The following MAGI2 variants were observed in gnomAD, a reference collection of about 807,000 sequenced individuals.
MAGI2 encodes membrane-associated guanylate kinase, WW and PDZ domain-containing protein 2.
MAGI2 carries 35 observed loss-of-function variants against 133.3 expected under a neutral mutation model. The observed-to-expected ratio is 0.26, with a 90% CI of 0.20 to 0.35. The LOEUF (loss-of-function observed/expected upper bound fraction) is 0.35, where lower values mean the gene tolerates loss of function less well. Among genes scored for constraint, MAGI2 ranks in the 10% least tolerant of loss-of-function variants. The pLI, the probability that MAGI2 is intolerant of heterozygous loss-of-function variation, is 1.00. For missense variants in MAGI2, 1,636 were observed against 1,863.4 expected (o/e 0.88, Z 2.25); for synonymous variants, 729 against 710.6 (o/e 1.03, Z -0.41).
chr7:78,832,694 C>T (rs113114778), intron 2 of MAGI2, among the ~76,000 whole-genome samples: 41 of 152,160 alleles, frequency 2.7e-4, no homozygotes, highest in South Asian at 1.7e-3. Flanking sequence ...ACTATTGCTA[C>T]GGAATAAAAG....
chr7:79,179,893 G>A lies in MAGI2; in HGVS notation c.302-172687C>T, dbSNP rs141775537. Among the ~76,000 whole-genome samples, 145 of 151,998 alleles carry A rather than the reference G, an allele frequency of 9.5e-4. 2 individuals carry two copies. Among genetic ancestry groups the A allele is most frequent in the African/African-American group, 3.2e-3 (134 of 41,408 alleles). On this transcript the variant is annotated intron_variant, in intron 1 of 21. Coordinates refer to ENST00000354212, the MANE Select transcript of MAGI2 (RefSeq NM_012301.4). ...TATTTTATGGTTAAGACAGAAAAGC[G>A]CAGGCAACAAAAAGAAAAATAGACA...
At chr7:78,083,424 G>GAGAGAGAC (rs1816266076) in intron 20 of MAGI2, among the ~76,000 whole-genome samples, 2 of 145,418 alleles carry the variant, frequency 1.4e-5, no homozygotes, top group East Asian at 4.0e-4. Context: ...GAGAGAGAGA[G>GAGAGAGAC]AGAGAGACAG....
chr7:78,317,325 C>G (rs1787519366), intron 9 of MAGI2, among the ~76,000 whole-genome samples: 1 of 152,150 alleles, frequency 6.6e-6, no homozygotes, highest in Non-Finnish European at 1.5e-5. Context: ...CAATCAAGAA[C>G]AGGAGAATAT....
At chr7:78,187,207 T>C (rs572082980) in intron 12 of MAGI2, among the ~76,000 whole-genome samples, 1 of 152,286 alleles carries the variant, frequency 6.6e-6, no homozygotes, top group Non-Finnish European at 1.5e-5. Flanking sequence ...AAGATATTCT[T>C]GCAAGAACCA....
intron 2 of MAGI2, among the ~76,000 whole-genome samples, chr7:78,650,457 G>A (rs947194386): frequency 6.6e-6 from 1 of 152,128 alleles, no homozygotes; most frequent in Admixed American, 6.6e-5. Context: ...TTCCATGGGA[G>A]TAAGCAAAGG....
At chr7:78,268,475 T>A (rs1020851330) in intron 9 of MAGI2, among the ~76,000 whole-genome samples, 44 of 152,264 alleles carry the variant, frequency 2.9e-4, no homozygotes, top group African/African-American at 1.1e-3. Context: ...TCATTTTATT[T>A]TAATCCTTGA....
At chr7:78,514,386 G>A (rs887071612) in intron 4 of MAGI2, among the ~76,000 whole-genome samples, 3 of 151,788 alleles carry the variant, frequency 2.0e-5, no homozygotes, top group African/African-American at 4.8e-5. Context: ...TACAATTAGG[G>A]CAGTTATAAC....
chr7:78,928,408 A>T (rs985261438), intron 2 of MAGI2, among the ~76,000 whole-genome samples: 4 of 139,492 alleles, frequency 2.9e-5, no homozygotes, highest in Admixed American at 7.0e-5. Context: ...CTAATTAATT[A>T]AAAAAAAAAC....
At chr7:78,794,844 A>G (rs1394428854) in intron 2 of MAGI2, among the ~76,000 whole-genome samples, 1 of 152,188 alleles carries the variant, frequency 6.6e-6, no homozygotes, top group African/African-American at 2.4e-5. Flanking sequence ...AACCAAGATC[A>G]GGGGCAAATT....
chr7:78,631,916 T>C (rs1809048131), intron 2 of MAGI2, among the ~76,000 whole-genome samples: 1 of 152,222 alleles, frequency 6.6e-6, no homozygotes, highest in South Asian at 2.1e-4. Flanking sequence ...TAAACTCTAG[T>C]TTTCTTATCT....
chr7:78,646,745 C>T (rs1250079361), intron 2 of MAGI2, among the ~76,000 whole-genome samples: 4 of 152,192 alleles, frequency 2.6e-5, no homozygotes, highest in Admixed American at 6.5e-5. Flanking sequence ...CCAACTGCTA[C>T]CTGAATGAAA....
At chr7:79,433,054 C>CA (rs1455166290) in intron 1 of MAGI2, among the ~76,000 whole-genome samples, 7 of 152,080 alleles carry the variant, frequency 4.6e-5, no homozygotes, top group African/African-American at 1.7e-4. Context: ...TTCCAGAGTT[C>CA]AAAAGATGAG....
chr7:79,022,213 G>A (rs1329293164), intron 1 of MAGI2, among the ~76,000 whole-genome samples: 1 of 152,080 alleles, frequency 6.6e-6, no homozygotes, highest in Non-Finnish European at 1.5e-5. Context: ...AGAAATTAAT[G>A]CTAAGAAAAT....
chr7:79,160,828 T>C (rs986027667), intron 1 of MAGI2, among the ~76,000 whole-genome samples: 4 of 152,012 alleles, frequency 2.6e-5, no homozygotes, highest in Non-Finnish European at 4.4e-5. Flanking sequence ...TATCCTCCCA[T>C]CAAATATGCC....
At position 78,761,989 on chromosome 7, in the gene MAGI2, T is replaced by A. The variant is rs372914870; in HGVS notation, c.419-134750A>T. Among the ~76,000 whole-genome samples the A allele has an allele frequency of 6.6e-5, 10 of 152,314 alleles. No homozygotes were observed. The South Asian group carries it at 1.2e-3, about 19-fold the overall frequency. On this transcript the variant is annotated intron_variant, in intron 2 of 21. Coordinates refer to ENST00000354212, the MANE Select transcript of MAGI2 (RefSeq NM_012301.4). Reference sequence around the variant, plus strand: ...AAAAATACTGACATGAGGCATGGACTCTATCCGGAATTAATTTTTCCTGTA... The same window carrying A: ...AAAAATACTGACATGAGGCATGGACACTATCCGGAATTAATTTTTCCTGTA...
Position 79,380,878 on chromosome 7 carries a change from C to T in MAGI2, c.301+72142G>A, listed in dbSNP as rs187162900. ...CCATTAGCAGAATACTCATTTAAAA[C>T]GATGGCAGTAAACATTGTTTTAAAG... On this transcript the variant is annotated intron_variant, in intron 1 of 21. Coordinates refer to ENST00000354212, the MANE Select transcript of MAGI2 (RefSeq NM_012301.4). Among the ~76,000 whole-genome samples, 303 of 151,830 alleles carry T rather than the reference C, an allele frequency of 2.0e-3. 2 individuals carry two copies. The highest frequency in any genetic ancestry group is 6.9e-3 in the African/African-American group (287 of 41,486).
intron 3 of MAGI2, among the ~76,000 whole-genome samples, chr7:78,536,103 CTTTTTTTTTTTT>C (rs544655465): frequency 8.3e-5 from 5 of 59,924 alleles, no homozygotes; most frequent in African/African-American, 1.5e-4. Context: ...ATGAATTAAA[CTTTTTTTTTTTT>C]TTTTTTTTTT....
chr7:79,229,789 T>A (rs188506039), intron 1 of MAGI2, among the ~76,000 whole-genome samples: 2,340 of 151,932 alleles, frequency 0.015, 46 homozygotes, highest in African/African-American at 0.042. Flanking sequence ...TAAGTTTTTT[T>A]AAAAATTTTT....
chr7:78,125,668 A>G (rs1378861687), intron 20 of MAGI2, 26 bp downstream of exon 20: 1 of 1,610,748 alleles, frequency 6.2e-7, no homozygotes, highest in African/African-American at 1.3e-5. Context: ...GAATTAAGCA[A>G]TTCTATAAAA....
Sources: gnomAD v4.1 joint callset for allele counts (sites outside exome capture counted in the v4.1 genomes callset) on GRCh38, gnomAD v4.1.1 for gene constraint, MANE v1.5 for transcripts, NCBI Gene and HGNC (gene_info 2026-07-23, HGNC 2026-07-21) for gene names.